Variants in EIF4G3 observed in about 807,000 individuals in gnomAD.
EIF4G3 encodes the protein eukaryotic translation initiation factor 4 gamma 3, also known as eIF-4-gamma 3.
A neutral mutation model predicts 186.4 loss-of-function variants in EIF4G3; 34 were observed. The ratio of observed to expected loss-of-function variants is 0.18; its 90% CI spans 0.14 to 0.24. EIF4G3 has a LOEUF of 0.24. Among genes scored for constraint, EIF4G3 ranks in the 10% least tolerant of loss-of-function variants. The pLI is 1.00. For missense variants in EIF4G3, 1,536 were observed against 1,948.5 expected (o/e 0.79, Z 3.99); for synonymous variants, 673 against 679.5 (o/e 0.99, Z 0.15).
At chr1:20,960,522 C>T (rs1206342511) in intron 12 of EIF4G3, among the ~76,000 whole-genome samples, 2 of 151,928 alleles carry the variant, frequency 1.3e-5, no homozygotes, top group East Asian at 1.9e-4. Flanking sequence ...GAGGCTGAGG[C>T]AGGATTATCG....
intron 2 of EIF4G3, among the ~76,000 whole-genome samples, chr1:21,116,169 CAG>C (rs1164342136): frequency 1.3e-5 from 2 of 152,110 alleles, no homozygotes; most frequent in Non-Finnish European, 2.9e-5. Context: ...GACAGAATAA[CAG>C]AAAATTTCTC....
intron 20 of EIF4G3, among the ~76,000 whole-genome samples, chr1:20,874,195 A>G (rs11580341): frequency 0.95 from 143,885 of 152,240 alleles, 68,498 homozygotes; most frequent in Middle Eastern, 1. Flanking sequence ...TATTCTTTTG[A>G]TTATACACCT....
At chr1:21,019,736 T>C (rs1399263323) in intron 4 of EIF4G3, among the ~76,000 whole-genome samples, 1 of 151,950 alleles carries the variant, frequency 6.6e-6, no homozygotes, top group Non-Finnish European at 1.5e-5. Context: ...TACAAAAAAT[T>C]AGCTGGGCGT....
intron 2 of EIF4G3, among the ~76,000 whole-genome samples, chr1:21,105,010 G>A (rs1049637458): frequency 1.3e-5 from 2 of 152,266 alleles, no homozygotes; most frequent in Middle Eastern, 3.4e-3. Context: ...AATTGAGTAC[G>A]CATTGACACA....
chr1:21,154,720 A>G (rs2097609111), intron 2 of EIF4G3, among the ~76,000 whole-genome samples: 1 of 152,224 alleles, frequency 6.6e-6, no homozygotes, highest in Non-Finnish European at 1.5e-5. Flanking sequence ...ATTCTAGCTG[A>G]ACTATTAATA....
At chr1:20,973,251 C>T (rs2076237459) in intron 10 of EIF4G3, 152 bp from the exon 11 acceptor site, 4 of 609,184 alleles carry the variant, frequency 6.6e-6, no homozygotes, top group Non-Finnish European at 8.5e-6. Flanking sequence ...TAGCTCTCCT[C>T]CAGTTACTGA....
At chr1:21,016,980 A>G (rs199571872) in intron 4 of EIF4G3, among the ~76,000 whole-genome samples, 3 of 152,056 alleles carry the variant, frequency 2.0e-5, no homozygotes, top group East Asian at 1.9e-4. Context: ...AAAACAAAAC[A>G]AAACGAAACA....
intron 4 of EIF4G3, among the ~76,000 whole-genome samples, chr1:21,020,738 T>G (rs1193954700): frequency 2.0e-5 from 3 of 152,180 alleles, no homozygotes; most frequent in Non-Finnish European, 2.9e-5. Flanking sequence ...CCATTAAATA[T>G]TCAAACAATG....
intron 4 of EIF4G3, among the ~76,000 whole-genome samples, chr1:21,011,816 A>C (rs891184361): frequency 6.6e-6 from 1 of 152,212 alleles, no homozygotes; most frequent in African/African-American, 2.4e-5. Flanking sequence ...GTATTGATCA[A>C]GTGAGAAGAC....
intron 25 of EIF4G3, among the ~76,000 whole-genome samples, chr1:20,857,162 CA>C (rs577290987): frequency 5.3e-4 from 25 of 47,364 alleles, no homozygotes; most frequent in South Asian, 3.7e-3. Context: ...GACTCCATCT[CA>C]AAAAAAAAAA....
chr1:20,857,336 G>T, intron 25 of EIF4G3, 67 bp downstream of exon 25: 1 of 1,221,580 alleles, frequency 8.2e-7, no homozygotes, highest in Non-Finnish European at 1.2e-6. Flanking sequence ...TTGTGTGTGT[G>T]TGTGTGTGTT....
chr1:21,064,328 G>C (rs973179313), intron 3 of EIF4G3, among the ~76,000 whole-genome samples: 1 of 152,124 alleles, frequency 6.6e-6, no homozygotes, highest in Admixed American at 6.5e-5. Flanking sequence ...TTGTGGACAG[G>C]AATAGGATTT....
At chr1:20,941,421 TAAAAAATAACTC>T in intron 14 of EIF4G3, 58 bp downstream of exon 14, 1 of 1,609,508 alleles carries the variant, frequency 6.2e-7, no homozygotes, top group Non-Finnish European at 8.5e-7. Flanking sequence ...AGTAGCCAAT[TAAAAAATAACTC>T]AAACACTGCC....
At chr1:21,090,180 G>A (rs929444347) in intron 2 of EIF4G3, among the ~76,000 whole-genome samples, 1 of 151,986 alleles carries the variant, frequency 6.6e-6, no homozygotes, top group Non-Finnish European at 1.5e-5. Flanking sequence ...TTACATAGAT[G>A]GTATGCAATA....
intron 8 of EIF4G3, among the ~76,000 whole-genome samples, chr1:20,981,516 T>C (rs1204672845): frequency 2.3e-5 from 3 of 132,990 alleles, no homozygotes; most frequent in Middle Eastern, 3.6e-3. Context: ...ATACTGTATA[T>C]ATACATACAT....
chr1:20,978,179 T>C (rs1371472692), intron 10 of EIF4G3, among the ~76,000 whole-genome samples: 1 of 152,090 alleles, frequency 6.6e-6, no homozygotes, highest in Non-Finnish European at 1.5e-5. Flanking sequence ...AATAAGGACC[T>C]AGAATAAAGG....
chr1:21,175,138 G>C (rs2098076826), intron 2 of EIF4G3: 1 of 152,148 alleles, frequency 6.6e-6, no homozygotes, highest in African/African-American at 2.4e-5. Context: ...ATTATTTATT[G>C]ATTTACACAA....
chr1:21,128,011 T>G (rs1464819467), intron 2 of EIF4G3, among the ~76,000 whole-genome samples: 1 of 151,798 alleles, frequency 6.6e-6, no homozygotes, highest in African/African-American at 2.4e-5. Flanking sequence ...GAGACCATCC[T>G]GGCTAACACG....
At chr1:20,936,616 T>C (rs570823551) in intron 14 of EIF4G3, among the ~76,000 whole-genome samples, 71 of 152,348 alleles carry the variant, frequency 4.7e-4, no homozygotes, top group African/African-American at 1.4e-3. Context: ...TTTTATTATT[T>C]AAAAGATTAG....
Sources: allele counts gnomAD v4.1 joint callset (sites outside exome capture counted in the v4.1 genomes callset), GRCh38; gene constraint gnomAD v4.1.1; transcripts MANE v1.5; gene names NCBI Gene and HGNC (gene_info 2026-07-23, HGNC 2026-07-21).